The following ARHGEF10L variants were observed in gnomAD, a reference collection of about 807,000 sequenced individuals.
The protein encoded by ARHGEF10L is rho guanine nucleotide exchange factor 10-like protein.
ARHGEF10L carries 69 observed loss-of-function variants against 141.2 expected under a neutral mutation model. The ratio of observed to expected loss-of-function variants is 0.49; its 90% confidence interval spans 0.40 to 0.60. ARHGEF10L has a LOEUF of 0.60. Among genes scored for constraint, ARHGEF10L ranks in the 20% least tolerant of loss-of-function variants. The probability of loss-of-function intolerance (pLI) is 0.00; values close to 1 mark genes in which losing one functional copy is unlikely to be tolerated. For missense variants in ARHGEF10L, 1,482 were observed against 1,734.3 expected (o/e 0.85, Z 2.58); for synonymous variants, 711 against 718.5 (o/e 0.99, Z 0.17).
the ARHGEF10L span, among the ~76,000 whole-genome samples, chr1:17,513,899 A>G: frequency 6.6e-6 from 1 of 151,934 alleles, no homozygotes; most frequent in Admixed American, 6.6e-5. Flanking sequence ...GTCTCAGCTC[A>G]CTGCAACCTC....
At position 17,615,485 on chromosome 1, in the gene ARHGEF10L, C is replaced by T. The variant is rs555230699; in HGVS notation, c.727-609C>T. 1 of 152,366 alleles carries T rather than the reference C, an allele frequency of 6.6e-6. No homozygotes were observed. Among genetic ancestry groups the T allele is most frequent in the East Asian group, 1.9e-4 (1 of 5,174 alleles). 9.4% of individuals were successfully genotyped at this position (152,366 alleles called of 1,614,324 possible). A position where few individuals can be genotyped will look rare whatever the true frequency, so the allele number is the denominator to read the frequency against. ...CTTTTCTCCTTTTCCCGGATGGTGG[C>T]TCAGTAAGAAACCTGGCTGTTTCGG... On this transcript the variant is annotated intron_variant, in intron 8 of 28. Coordinates refer to ENST00000361221, the MANE Select transcript of ARHGEF10L (RefSeq NM_018125.4). This position sits in a 1 kb window ranked among gnomAD's most constrained non-coding sequence, Gnocchi z 4.7.
Position 17,624,376 on chromosome 1 carries a change from CCTTGTTT to C in ARHGEF10L, c.1201-9_1201-3del. 6.2e-7 allele frequency: 1 copy of C among 1,609,714 alleles called. No individual in the cohort carries two copies. The highest frequency in any genetic ancestry group is 8.5e-7 in the Non-Finnish European group (1 of 1,176,106). The stretch of plus-strand genomic sequence containing the variant: ...AGGCGGTCTCCCTGGCCCACACCTG[CCTTGTTT>C]CAGTTTTCCAAGTCCATGGTGCTAG... On this transcript the variant is annotated splice_polypyrimidine_tract_variant and splice_region_variant and intron_variant, in intron 12 of 28. Coordinates refer to ENST00000361221, the MANE Select transcript of ARHGEF10L (RefSeq NM_018125.4).
chr1:17,683,606 T>A (rs990516435), intron 26 of ARHGEF10L, among the ~76,000 whole-genome samples: 1 of 151,624 alleles, frequency 6.6e-6, no homozygotes, highest in African/African-American at 2.4e-5. Context: ...CAGAGGTAGC[T>A]GAGACATGCC....
chr1:17,601,688 C>T (rs2100930790), intron 4 of ARHGEF10L, among the ~76,000 whole-genome samples: 1 of 152,258 alleles, frequency 6.6e-6, no homozygotes, highest in Non-Finnish European at 1.5e-5. Context: ...TCAAGTGATC[C>T]ACATGCCTTG....
At chr1:17,554,783 G>GT (rs1557700248) in intron 1 of ARHGEF10L, among the ~76,000 whole-genome samples, 1 of 151,900 alleles carries the variant, frequency 6.6e-6, no homozygotes, top group East Asian at 1.9e-4. Flanking sequence ...TAGAGATGGG[G>GT]TTTTGCCACG....
At chr1:17,683,691 G>A (rs1264715444) in intron 26 of ARHGEF10L, among the ~76,000 whole-genome samples, 5 of 152,188 alleles carry the variant, frequency 3.3e-5, no homozygotes, top group African/African-American at 4.8e-5. Context: ...CCTTTCCCCC[G>A]CCGGCCTCCC....
At position 17,697,016 on chromosome 1, in the gene ARHGEF10L, G is replaced by A; in HGVS notation, c.3476G>A (p.Ser1159Asn). 1.9e-6 allele frequency: 3 copies of A among 1,608,018 alleles called. No homozygotes were observed. The highest frequency in any genetic ancestry group is 2.5e-6 in the Non-Finnish European group (3 of 1,177,574). Residue 1159 changes from serine to asparagine, a missense_variant, in exon 29 of 29, where the codon AGC becomes AAC. By Grantham distance (46) the Ser-to-Asn change is conservative (BLOSUM62 1). Transcript: ENST00000361221. The surrounding 1 kb of genome is among the most constrained non-coding windows in gnomAD (Gnocchi z 4.8). ...CAGGCACACGAGCCCATGCCCGATA[G>A]CCACGTGGGCCGAGAGCTGACCCGC... ...DGQAHEPMPD[S>N]HVGRELTRKK...
At chr1:17,601,789 C>G (rs536257512) in intron 4 of ARHGEF10L, among the ~76,000 whole-genome samples, 3 of 152,142 alleles carry the variant, frequency 2.0e-5, no homozygotes, top group Admixed American at 6.5e-5. Context: ...CCAGCCTGCC[C>G]CTTCTGTTGT....
At chr1:17,520,049 C>A in the ARHGEF10L span, among the ~76,000 whole-genome samples, 1 of 152,196 alleles carries the variant, frequency 6.6e-6, no homozygotes, top group Non-Finnish European at 1.5e-5. Flanking sequence ...CCCAGGCCAG[C>A]GGGCAGTGGT....
At chr1:17,689,836 A>G (rs916359815) in intron 27 of ARHGEF10L, 1 of 455,954 alleles carries the variant, frequency 2.2e-6, no homozygotes, top group Non-Finnish European at 4.4e-6. Context: ...GAGGAGAGTG[A>G]GAGAGAGTCA....
intron 5 of ARHGEF10L, 38 bp downstream of exon 5, chr1:17,602,256 G>C: frequency 6.5e-7 from 1 of 1,543,800 alleles, no homozygotes; most frequent in Non-Finnish European, 8.8e-7. Flanking sequence ...ACCCCAGGTA[G>C]CAAGCTCCAG....
rs139831376 is a variant in ARHGEF10L at position 17,555,273 on chromosome 1, G to A, written c.-44+15323G>A. ...TGAATGCTTTTTTTTTTCTCCCAAT[G>A]AGCACCTATTGACATATTTCAGGGC... On this transcript the variant is annotated intron_variant, in intron 1 of 28. Transcript: ENST00000361221. Among the ~76,000 whole-genome samples the A allele has an allele frequency of 3.9e-3, 589 of 151,708 alleles. 4 individuals are homozygous for A. The highest frequency in any genetic ancestry group is 0.013 in the African/African-American group (550 of 41,400).
At chr1:17,613,005 C>A in intron 7 of ARHGEF10L, 53 bp from the exon 8 acceptor site, 1 of 1,251,590 alleles carries the variant, frequency 8.0e-7, no homozygotes. Flanking sequence ...TCCTTCCTGT[C>A]CCGCCTGCTC....
At chr1:17,695,878 C>T (rs1454305003) in intron 28 of ARHGEF10L, among the ~76,000 whole-genome samples, 1 of 152,076 alleles carries the variant, frequency 6.6e-6, no homozygotes, top group Non-Finnish European at 1.5e-5. Flanking sequence ...GCTCCCTGCG[C>T]AGACCTCAAG....
intron 4 of ARHGEF10L, among the ~76,000 whole-genome samples, chr1:17,592,874 C>A (rs903393128): frequency 6.6e-6 from 1 of 152,148 alleles, no homozygotes; most frequent in African/African-American, 2.4e-5. Context: ...CCCATGGAGT[C>A]CCCCATGGGA....
chr1:17,646,825 C>G (rs2061633003), intron 21 of ARHGEF10L, among the ~76,000 whole-genome samples: 1 of 151,980 alleles, frequency 6.6e-6, no homozygotes, highest in South Asian at 2.1e-4. Flanking sequence ...GAGCACAGTC[C>G]AGCACGGTGG....
At chr1:17,637,051 T>G (rs1230655583) in intron 18 of ARHGEF10L, among the ~76,000 whole-genome samples, 1 of 151,472 alleles carries the variant, frequency 6.6e-6, no homozygotes, top group African/African-American at 2.4e-5. Flanking sequence ...ACTGATATCT[T>G]TCTCCCCACC....
chr1:17,670,808 T>C (rs1457950857), intron 26 of ARHGEF10L, among the ~76,000 whole-genome samples: 1 of 152,250 alleles, frequency 6.6e-6, no homozygotes, highest in Admixed American at 6.5e-5. Context: ...CCCTTTGGCT[T>C]GCAGTGTGCA....
chr1:17,599,429 C>A (rs891529593), intron 4 of ARHGEF10L, among the ~76,000 whole-genome samples: 109 of 152,190 alleles, frequency 7.2e-4, no homozygotes, highest in African/African-American at 2.6e-3. Context: ...ACTGTCATGG[C>A]CACATATCAG....
Sources: allele counts gnomAD v4.1 joint callset (sites outside exome capture counted in the v4.1 genomes callset), GRCh38; gene constraint gnomAD v4.1.1; non-coding constraint Gnocchi (gnomAD v3.1); transcripts MANE v1.5; gene names NCBI Gene and HGNC (gene_info 2026-07-23, HGNC 2026-07-21).